MYO15A: variants seen among roughly 807,000 people sequenced by gnomAD.
MYO15A encodes the protein unconventional myosin-XV.
MYO15A carries 308 observed loss-of-function variants against 394.6 expected under a neutral mutation model. The ratio of observed to expected loss-of-function variants is 0.78; its 90% CI spans 0.71 to 0.86. The LOEUF (loss-of-function observed/expected upper bound fraction) is 0.86. MYO15A is among the 40% of genes least tolerant of loss of function. The pLI, the probability that MYO15A is intolerant of heterozygous loss-of-function variation, is 0.00. For missense variants in MYO15A, 4,606 were observed against 4,799.1 expected (o/e 0.96, Z 1.19); for synonymous variants, 1,957 against 2,003.8 (o/e 0.98, Z 0.62).
chr17:18,110,598 GA>G (rs1174811605), intron 1 of MYO15A: 2 of 152,250 alleles, frequency 1.3e-5, no homozygotes, highest in African/African-American at 4.8e-5. Flanking sequence ...GCTCTCGGCT[GA>G]GGGATCTAAC....
intron 60 of MYO15A, chr17:18,164,956 A>G (rs2046831815): frequency 6.6e-6 from 1 of 151,946 alleles, no homozygotes; most frequent in Admixed American, 6.6e-5. Context: ...CCTGAGCAAC[A>G]TGGAGAAACC....
In MYO15A at chr17:18,148,638, C is replaced by A; in HGVS notation, c.6764+70C>A. The A allele has an allele frequency of 6.5e-7, 1 of 1,546,624 alleles. No homozygotes were observed. The highest frequency in any genetic ancestry group is 1.2e-5 in the South Asian group (1 of 83,970). On this transcript the variant is annotated intron_variant, in intron 32 of 65. Coordinates refer to ENST00000647165, the MANE Select transcript of MYO15A (RefSeq NM_016239.4). The surrounding 1 kb of genome is among the most constrained non-coding windows in gnomAD (Gnocchi z 4.8). ...AATGTTGTGGGGGGAGGTCAGATCC[C>A]CCAGAGGGTCCCATAGGGTCCATTC...
intron 2 of MYO15A, chr17:18,124,036 A>C (rs1369830050): frequency 4.3e-6 from 1 of 233,030 alleles, no homozygotes; most frequent in East Asian, 9.2e-5. Context: ...CATTTTCCCC[A>C]GGATGAGCAT....
Position 18,119,077 on chromosome 17 carries a change from G to A in MYO15A, c.277G>A (p.Gly93Ser), listed in dbSNP as rs1480356128. 1 of 1,611,976 alleles carries A rather than the reference G, an allele frequency of 6.2e-7. No individual in the cohort carries two copies. The highest frequency in any genetic ancestry group is 1.3e-5 in the African/African-American group (1 of 74,912). Residue 93 changes from glycine to serine, a missense_variant, in exon 2 of 66, where the codon GGC (glycine) becomes AGC (serine). Physicochemically the swap from Gly to Ser is moderately conservative, Grantham distance 56. Transcript: ENST00000647165. ...TSKLMTQMRM[G>S]KKKRAMKGKK... Reference sequence around the variant, plus strand: ...AAAGCTCATGACGCAGATGCGCATGGGCAAGAAGAAGCGGGCGATGAAGGG... The same window carrying A: ...AAAGCTCATGACGCAGATGCGCATGAGCAAGAAGAAGCGGGCGATGAAGGG...
chr17:18,134,877 C>CT (rs1055587815), intron 12 of MYO15A, among the ~76,000 whole-genome samples: 11 of 151,850 alleles, frequency 7.2e-5, no homozygotes, highest in Non-Finnish European at 1.6e-4. Flanking sequence ...TTTTAATCGG[C>CT]TTTTTTTTCT....
intron 54 of MYO15A, 98 bp from the exon 55 acceptor site, chr17:18,159,508 G>A: frequency 6.6e-7 from 1 of 1,505,958 alleles, no homozygotes; most frequent in South Asian, 1.1e-5. Context: ...GCTGCCTGTG[G>A]CCAAGGCTCC....
intron 3 of MYO15A, 138 bp downstream of exon 3, chr17:18,124,703 C>A (rs2046001314): frequency 2.4e-6 from 2 of 818,442 alleles, no homozygotes; most frequent in Admixed American, 2.3e-5. Flanking sequence ...GTCACAAAGA[C>A]TAAATGTGGT....
chr17:18,143,881 G>T lies in MYO15A; in HGVS notation c.6058G>T (p.Ala2020Ser), dbSNP rs1173298214. 1 of 1,585,360 alleles carries T rather than the reference G, an allele frequency of 6.3e-7. No individual in the cohort carries two copies. The highest frequency in any genetic ancestry group is 8.6e-7 in the Non-Finnish European group (1 of 1,164,684). ...LLQAVAGLGLAQVPQVAPVRT... is the reference protein window; with the variant it reads ...LLQAVAGLGLSQVPQVAPVRT... ...TCCTCTTTCCACAGGCCTCGGGCTG[G>T]CCCAGGTGCCTCAGGTGGCCCCTGT... Residue 2020 changes from alanine to serine, a missense_variant, in exon 28 of 66, where the codon GCC (alanine) becomes TCC (serine). Transcript: ENST00000647165.
intron 1 of MYO15A, among the ~76,000 whole-genome samples, chr17:18,116,919 C>CAA (rs772914615): frequency 5.7e-4 from 50 of 87,082 alleles, no homozygotes; most frequent in African/African-American, 2.3e-3. Flanking sequence ...GACTCTGTCT[C>CAA]AAAAAAAAAA....
At chr17:18,124,890 G>A (rs749732802) in intron 3 of MYO15A, 2 of 588,610 alleles carry the variant, frequency 3.4e-6, no homozygotes, top group Admixed American at 2.9e-5. Flanking sequence ...CATGAGGGCC[G>A]TGTTGGTCAG....
Position 18,163,768 on chromosome 17 carries a change from A to G in MYO15A, c.9717A>G (p.Ile3239Met). ...CTVALDVVEEICAEMALTRPE... is the reference protein window; with the variant it reads ...CTVALDVVEEMCAEMALTRPE... Reference sequence around the variant, plus strand: ...TGGCCCTGGACGTGGTGGAAGAGATATGTGCTGAGATGGCTCTGACACGCC... The same window carrying G: ...TGGCCCTGGACGTGGTGGAAGAGATGTGTGCTGAGATGGCTCTGACACGCC... The change falls in exon 60 of 66, where the codon ATA (isoleucine) becomes ATG (methionine). Residue 3239 changes from isoleucine (I) to methionine (M), a missense_variant. This residue lies in a region of MYO15A where 2,776 missense variants were observed against 3,109.3 expected (regional missense o/e 0.89). Transcript: ENST00000647165. 6.2e-7 allele frequency: 1 copy of G among 1,613,974 alleles called. No homozygotes were observed. Among genetic ancestry groups the G allele is most frequent in the Non-Finnish European group, 8.5e-7 (1 of 1,179,928 alleles).
At chr17:18,156,703 G>A (rs2046681467) in intron 48 of MYO15A, among the ~76,000 whole-genome samples, 1 of 152,214 alleles carries the variant, frequency 6.6e-6, no homozygotes. Context: ...CAGGCCCGAG[G>A]AAGACTTCAG....
chr17:18,135,897 C>A, intron 13 of MYO15A, 73 bp downstream of exon 13: 1 of 1,396,336 alleles, frequency 7.2e-7, no homozygotes, highest in Non-Finnish European at 1.0e-6. Flanking sequence ...TGTGCCGATC[C>A]TTTGTGGGCA....
Position 18,121,322 on chromosome 17 carries a change from C to G in MYO15A, c.2522C>G (p.Pro841Arg). The change falls in exon 2 of 66, where the codon CCG becomes CGG. Residue 841 changes from proline (P) to arginine (R), a missense_variant. Pro to Arg is a moderately radical substitution (Grantham distance 103). Coordinates refer to ENST00000647165, the MANE Select transcript of MYO15A (RefSeq NM_016239.4). This position sits in a 1 kb window ranked among gnomAD's most constrained non-coding sequence, Gnocchi z 5.3. ...CTGGGCCCACCCGGCTCGCCGCTGC[C>G]GGGCTCACCCAGGCCGCCCTCGCCG... ...GRLGPPGSPLPGSPRPPSPPL... is the reference protein window; with the variant it reads ...GRLGPPGSPLRGSPRPPSPPL... 2 of 1,356,602 alleles carry G rather than the reference C, an allele frequency of 1.5e-6. No individual in the cohort carries two copies. Among genetic ancestry groups the G allele is most frequent in the Non-Finnish European group, 1.9e-6 (2 of 1,060,362 alleles). The allele number at this position is 1,356,602 out of a possible 1,614,324, so 84.0% of individuals were successfully genotyped here. A position where few individuals can be genotyped will look rare whatever the true frequency, so the allele number is the denominator to read the frequency against.
intron 52 of MYO15A, 39 bp downstream of exon 52, chr17:18,158,677 G>T: frequency 6.2e-7 from 1 of 1,602,108 alleles, no homozygotes; most frequent in Non-Finnish European, 8.6e-7. Flanking sequence ...CAGTGGGAGG[G>T]TGCTGGGCTT....
At chr17:18,168,296 T>A (rs1343412865) in intron 62 of MYO15A, among the ~76,000 whole-genome samples, 3 of 151,958 alleles carry the variant, frequency 2.0e-5, no homozygotes, top group Non-Finnish European at 2.9e-5. Context: ...CCGGGCGCGG[T>A]CGCTCATGCC....
At chr17:18,154,789 C>T in intron 45 of MYO15A, 34 bp downstream of exon 45, 10 of 1,604,578 alleles carry the variant, frequency 6.2e-6, no homozygotes, top group Non-Finnish European at 8.5e-6. Flanking sequence ...ACTGATGGGG[C>T]AACCAGTCAG....
rs752127859 is a variant in MYO15A, at chr17:18,149,239, C to T, written c.6980C>T (p.Ser2327Leu). ...PKVVFGNSWD[S>L]DEDMSTRPQP... ...AGGGTGTTTGGGAACAGCTGGGACT[C>T]GGATGAGGACATGTCCACTAGACCC... The change falls in exon 34 of 66, where the codon TCG (serine) becomes TTG (leucine). Residue 2327 changes from serine (S) to leucine (L), a missense_variant. Ser to Leu is a moderately radical substitution (Grantham distance 145, BLOSUM62 -2). Around this residue, in one of 2 missense-constraint regions of MYO15A, gnomAD observed 2,776 missense variants for 3,109.3 expected, o/e 0.89. Coordinates refer to ENST00000647165, the MANE Select transcript of MYO15A (RefSeq NM_016239.4). 21 of 1,613,992 alleles carry T rather than the reference C, an allele frequency of 1.3e-5. No individual in the cohort carries two copies. Among genetic ancestry groups the T allele is most frequent in the Non-Finnish European group, 1.8e-5 (21 of 1,179,972 alleles).
At chr17:18,170,575 T>C (rs934928971) in intron 62 of MYO15A, among the ~76,000 whole-genome samples, 2 of 151,842 alleles carry the variant, frequency 1.3e-5, no homozygotes, top group Non-Finnish European at 2.9e-5. Flanking sequence ...ACCAGACTGG[T>C]CTCGAACTCT....
Sources: gnomAD v4.1 joint callset for allele counts (sites outside exome capture counted in the v4.1 genomes callset) on GRCh38, gnomAD v4.1.1 for gene constraint, gnomAD v4.1.1 regional missense constraint, Gnocchi (gnomAD v3.1) non-coding constraint, MANE v1.5 for transcripts, NCBI Gene and HGNC (gene_info 2026-07-23, HGNC 2026-07-21) for gene names.